KLF8: variants seen among roughly 807,000 people sequenced by gnomAD.
The protein encoded by KLF8 is Krueppel-like factor 8.
A neutral mutation model predicts 18.2 loss-of-function variants in KLF8; 10 were observed. That is an observed-to-expected ratio of 0.55 (90% CI 0.34 to 0.93). The LOEUF (loss-of-function observed/expected upper bound fraction) is 0.93. KLF8 is among the 40% of genes least tolerant of loss of function. The pLI, the probability that KLF8 is intolerant of heterozygous loss-of-function variation, is 0.02. For synonymous variants in KLF8, 109 were observed against 97.3 expected (o/e 1.12, Z -0.71); for missense variants, 264 against 277.9 (o/e 0.95, Z 0.36).
the KLF8 span, among the ~76,000 whole-genome samples, chrX:56,203,821 C>T: frequency 9.0e-6 from 1 of 111,438 alleles, no homozygotes; most frequent in East Asian, 2.8e-4. Context: ...GTTTTGGTTA[C>T]TATATGTTTA....
At chrX:55,928,219 A>G in the KLF8 span, among the ~76,000 whole-genome samples, 1 of 111,809 alleles carries the variant, frequency 8.9e-6, no homozygotes, top group Non-Finnish European at 1.9e-5. Flanking sequence ...GGGTGAGAAT[A>G]CCACAGAGGT....
At chrX:56,003,716 C>T in the KLF8 span, among the ~76,000 whole-genome samples, 1 of 111,836 alleles carries the variant, frequency 8.9e-6, no homozygotes, top group South Asian at 3.7e-4. Context: ...TTCTTATCCT[C>T]TTCTTTTTAC....
the KLF8 span, among the ~76,000 whole-genome samples, chrX:56,114,285 T>G: frequency 8.9e-6 from 1 of 112,526 alleles, no homozygotes; most frequent in Admixed American, 9.4e-5. Flanking sequence ...GTCGGTCATC[T>G]TAGGCCATCT....
the KLF8 span, among the ~76,000 whole-genome samples, chrX:56,211,961 G>A: frequency 9.0e-6 from 1 of 111,112 alleles, no homozygotes; most frequent in Non-Finnish European, 1.9e-5. Flanking sequence ...CTCACCCAAG[G>A]CCTTCAGTGT....
chrX:56,052,866 C>T, the KLF8 span, among the ~76,000 whole-genome samples: 1 of 111,599 alleles, frequency 9.0e-6, no homozygotes, highest in Non-Finnish European at 1.9e-5. Context: ...CCTCCCCCAG[C>T]CTCCTGCGGC....
chrX:55,939,967 T>C, the KLF8 span, among the ~76,000 whole-genome samples: 1 of 111,817 alleles, frequency 8.9e-6, no homozygotes, highest in Non-Finnish European at 1.9e-5. Flanking sequence ...GCTAGTAACA[T>C]TCCTTCTAAA....
At chrX:56,183,956 G>A in the KLF8 span, among the ~76,000 whole-genome samples, 1 of 111,411 alleles carries the variant, frequency 9.0e-6, no homozygotes, top group Non-Finnish European at 1.9e-5. Flanking sequence ...CAGAAGATGG[G>A]TGATTTCTGC....
the KLF8 span, among the ~76,000 whole-genome samples, chrX:55,953,882 A>G: frequency 6.6e-4 from 73 of 109,889 alleles, no homozygotes; most frequent in Middle Eastern, 4.7e-3. Context: ...GGGTTAGACA[A>G]TGCCTTTTTA....
At chrX:56,068,545 G>A in the KLF8 span, among the ~76,000 whole-genome samples, 1 of 111,658 alleles carries the variant, frequency 9.0e-6, no homozygotes, top group Non-Finnish European at 1.9e-5. Context: ...AAATTTTGGA[G>A]TGTATGATTC....
chrX:56,175,074 G>A, the KLF8 span, among the ~76,000 whole-genome samples: 2 of 105,362 alleles, frequency 1.9e-5, no homozygotes, highest in Non-Finnish European at 4.1e-5. Flanking sequence ...TTTTTTGAAG[G>A]GTTTTTTTTG....
the KLF8 span, among the ~76,000 whole-genome samples, chrX:56,003,170 C>A: frequency 9.0e-6 from 1 of 110,825 alleles, no homozygotes; most frequent in Non-Finnish European, 1.9e-5. Flanking sequence ...GCAGGCAGAT[C>A]ACCTGAGGTC....
chrX:56,230,020 A>G (rs1450062757), upstream of KLF8, among the ~76,000 whole-genome samples: 4 of 112,639 alleles, frequency 3.6e-5, no homozygotes, highest in African/African-American at 9.7e-5. Flanking sequence ...AAAACAAACA[A>G]AAAGCTAGAG....
chrX:56,009,969 C>A, the KLF8 span, among the ~76,000 whole-genome samples: 4 of 111,806 alleles, frequency 3.6e-5, no homozygotes, highest in Admixed American at 1.9e-4. Context: ...TGTAAAAAAA[C>A]CAAACCTATG....
At chrX:56,269,541 G>GTA (rs1286847471) in intron 4 of KLF8, 52 bp downstream of exon 4, 1 of 1,111,796 alleles carries the variant, frequency 9.0e-7, no homozygotes, top group Non-Finnish European at 1.2e-6. Flanking sequence ...GTGTGTGTGT[G>GTA]TGTGTGTACA....
At chrX:55,929,602 C>T in the KLF8 span, among the ~76,000 whole-genome samples, 1 of 111,834 alleles carries the variant, frequency 8.9e-6, no homozygotes, top group Non-Finnish European at 1.9e-5. Context: ...CCAGTTTTCC[C>T]AACACCATTT....
chrX:56,130,793 AATAG>A, the KLF8 span, among the ~76,000 whole-genome samples: 2 of 112,050 alleles, frequency 1.8e-5, no homozygotes, highest in African/African-American at 3.2e-5. Flanking sequence ...TCTTCTGTGA[AATAG>A]ATAGCATAAA....
the KLF8 span, among the ~76,000 whole-genome samples, chrX:56,202,197 C>A: frequency 1.8e-5 from 2 of 110,508 alleles, no homozygotes; most frequent in African/African-American, 3.3e-5. Flanking sequence ...ACTTTTGAGA[C>A]CCTACCTTTT....
At chrX:56,223,306 C>T in the KLF8 span, among the ~76,000 whole-genome samples, 2 of 112,647 alleles carry the variant, frequency 1.8e-5, no homozygotes, top group African/African-American at 6.4e-5. Flanking sequence ...GACTGGCACA[C>T]AGCAAGCACA....
chrX:55,955,695 C>G, the KLF8 span, among the ~76,000 whole-genome samples: 2 of 111,120 alleles, frequency 1.8e-5, no homozygotes, highest in African/African-American at 6.5e-5. Flanking sequence ...GGTTCTATAC[C>G]AAGACTTTGT....
Sources: gnomAD v4.1 joint callset for allele counts (sites outside exome capture counted in the v4.1 genomes callset) on GRCh38, gnomAD v4.1.1 for gene constraint, MANE v1.5 for transcripts, NCBI Gene and HGNC (gene_info 2026-07-23, HGNC 2026-07-21) for gene names.